EYA3: variants seen among roughly 807,000 people sequenced by gnomAD.
The protein encoded by EYA3 is protein phosphatase EYA3.
A neutral mutation model predicts 80.0 loss-of-function variants in EYA3; 39 were observed. That is an observed-to-expected ratio of 0.49 (90% CI 0.38 to 0.64). The LOEUF is 0.64. EYA3 is among the 30% of genes least tolerant of loss of function. The pLI is 0.00. For synonymous variants in EYA3, 206 were observed against 232.8 expected, an observed-to-expected ratio of 0.88 and a Z score of 1.05; for missense variants, 523 against 676.1, an observed-to-expected ratio of 0.77 and a Z score of 2.51.
intron 1 of EYA3, among the ~76,000 whole-genome samples, chr1:28,067,748 G>A (rs140970865): frequency 2.6e-5 from 4 of 152,230 alleles, no homozygotes; most frequent in Non-Finnish European, 4.4e-5. Flanking sequence ...CAAAAGCAAC[G>A]AACTTCCAAT....
At chr1:28,041,092 G>A (rs895684465) in intron 4 of EYA3, among the ~76,000 whole-genome samples, 7 of 152,196 alleles carry the variant, frequency 4.6e-5, no homozygotes, top group African/African-American at 1.7e-4. Flanking sequence ...GGCTGGGTGT[G>A]GTGGCTCATG....
chr1:28,086,827 C>T (rs1353417119), intron 1 of EYA3, among the ~76,000 whole-genome samples: 2 of 152,154 alleles, frequency 1.3e-5, no homozygotes, highest in Non-Finnish European at 2.9e-5. Context: ...AGAGGCTTCA[C>T]TTAGCAGTTA....
intron 2 of EYA3, among the ~76,000 whole-genome samples, chr1:28,057,702 T>C (rs1644481759): frequency 6.6e-6 from 1 of 152,184 alleles, no homozygotes; most frequent in Non-Finnish European, 1.5e-5. Flanking sequence ...AATGGTGATA[T>C]ACTGTCAGAT....
intron 5 of EYA3, among the ~76,000 whole-genome samples, chr1:28,038,615 TAG>T (rs1444079886): frequency 1.3e-5 from 2 of 152,146 alleles, no homozygotes; most frequent in African/African-American, 4.8e-5. Flanking sequence ...CTACTCATTT[TAG>T]AGTAAGCTTT....
chr1:27,994,056 T>C (rs1290657102), intron 13 of EYA3, among the ~76,000 whole-genome samples: 1 of 152,232 alleles, frequency 6.6e-6, no homozygotes, highest in Non-Finnish European at 1.5e-5. Context: ...CTGTGGTAGC[T>C]TCAAAATATA....
At chr1:27,982,698 T>C (rs151334031) in intron 16 of EYA3, among the ~76,000 whole-genome samples, 1 of 152,096 alleles carries the variant, frequency 6.6e-6, no homozygotes, top group East Asian at 1.9e-4. Flanking sequence ...GTTCAAGCTA[T>C]TCTCAGGCCC....
At chr1:28,070,495 G>A (rs1016448572) in intron 1 of EYA3, among the ~76,000 whole-genome samples, 3 of 152,136 alleles carry the variant, frequency 2.0e-5, no homozygotes, top group Non-Finnish European at 4.4e-5. Context: ...CCAGGAGGCA[G>A]AGGTTGCAGC....
At chr1:28,068,315 A>G (rs1028668358) in intron 1 of EYA3, among the ~76,000 whole-genome samples, 3 of 150,432 alleles carry the variant, frequency 2.0e-5, no homozygotes, top group Non-Finnish European at 3.0e-5. Context: ...CTGGGCAACA[A>G]GAGTTAAGAC....
chr1:28,007,000 G>C (rs1641331259), intron 10 of EYA3, among the ~76,000 whole-genome samples: 1 of 145,688 alleles, frequency 6.9e-6, no homozygotes, highest in African/African-American at 2.6e-5. Flanking sequence ...AAGTGTAGTG[G>C]TGCAATCTGG....
At chr1:28,061,338 AC>A (rs1644616128) in intron 1 of EYA3, among the ~76,000 whole-genome samples, 1 of 152,206 alleles carries the variant, frequency 6.6e-6, no homozygotes, top group African/African-American at 2.4e-5. Context: ...AAATATCAGA[AC>A]ATACTAAATA....
intron 3 of EYA3, among the ~76,000 whole-genome samples, chr1:28,044,481 G>A (rs1024109529): frequency 3.3e-5 from 5 of 152,106 alleles, no homozygotes; most frequent in African/African-American, 9.7e-5. Flanking sequence ...CAAAGCCCAG[G>A]CATCATTCCT....
intron 17 of EYA3, among the ~76,000 whole-genome samples, chr1:27,975,767 A>C (rs563076625): frequency 6.6e-6 from 1 of 151,996 alleles, no homozygotes; most frequent in East Asian, 1.9e-4. Flanking sequence ...TACAGGCGTG[A>C]GCCACCGTGC....
At chr1:28,035,175 A>G (rs564584582) in intron 6 of EYA3, among the ~76,000 whole-genome samples, 46 of 152,308 alleles carry the variant, frequency 3.0e-4, no homozygotes, top group Non-Finnish European at 4.4e-4. Context: ...AAACTATGAT[A>G]CATATTCAGA....
chr1:27,986,690 C>T (rs1639680831), intron 16 of EYA3, among the ~76,000 whole-genome samples: 1 of 151,356 alleles, frequency 6.6e-6, no homozygotes, highest in Non-Finnish European at 1.5e-5. Flanking sequence ...AGCCACTGTG[C>T]CTGGCTTCTC....
In EYA3 at chr1:28,013,390, T is replaced by C. The variant is rs1641827045; in HGVS notation, c.586-96A>G. ...TCTCCCTCTTTCTTATTCATAATTA[T>C]TTTTCTAAAACATTAATTTGACTTC... On this transcript the variant is annotated intron_variant, in intron 8 of 17. Coordinates refer to ENST00000373871, the MANE Select transcript of EYA3 (RefSeq NM_001990.4). The surrounding 1 kb of genome is among the most constrained non-coding windows in gnomAD (Gnocchi z 4.0). 5.4e-6 allele frequency: 6 copies of C among 1,107,810 alleles called. No individual in the cohort carries two copies. Among genetic ancestry groups the C allele is most frequent in the Non-Finnish European group, 7.4e-6 (6 of 806,660 alleles). 68.6% of individuals were successfully genotyped at this position (1,107,810 alleles called of 1,614,324 possible). A position where few individuals can be genotyped will look rare whatever the true frequency, so the allele number is the denominator to read the frequency against.
chr1:27,991,528 TA>T (rs1046473561), intron 14 of EYA3, among the ~76,000 whole-genome samples: 1 of 151,552 alleles, frequency 6.6e-6, no homozygotes, highest in Non-Finnish European at 1.5e-5. Context: ...CAGTGAAGGT[TA>T]AAAAAAAATC....
chr1:28,042,536 T>C, intron 4 of EYA3, 35 bp downstream of exon 4: 1 of 1,554,016 alleles, frequency 6.4e-7, no homozygotes, highest in African/African-American at 1.4e-5. Context: ...GTTATAGGAA[T>C]ATCTGTTCAA....
At chr1:28,087,290 C>T (rs1396140073) in intron 1 of EYA3, among the ~76,000 whole-genome samples, 2 of 151,774 alleles carry the variant, frequency 1.3e-5, no homozygotes, top group Non-Finnish European at 2.9e-5. Flanking sequence ...AAGAAAGGTG[C>T]CCTAAATCTC....
chr1:27,997,507 G>A lies in EYA3; in HGVS notation c.1084-129C>T, dbSNP rs1291913586. ...GCCTTATGGAATCTCTTATGTGTGG[G>A]TGATCACTCTCACACCCCTTGCTGT... On this transcript the variant is annotated intron_variant, in intron 12 of 17. Coordinates refer to ENST00000373871, the MANE Select transcript of EYA3 (RefSeq NM_001990.4). The A allele has an allele frequency of 6.2e-6, 5 of 805,330 alleles. No individual in the cohort carries two copies. In the African/African-American group the frequency reaches 6.8e-5, roughly 11 times the overall value. The allele number at this position is 805,330 out of a possible 1,614,324, so 49.9% of individuals were successfully genotyped here. A position where few individuals can be genotyped will look rare whatever the true frequency, so the allele number is the denominator to read the frequency against.
Sources: gnomAD v4.1 joint callset for allele counts (sites outside exome capture counted in the v4.1 genomes callset) on GRCh38, gnomAD v4.1.1 for gene constraint, Gnocchi (gnomAD v3.1) non-coding constraint, MANE v1.5 for transcripts, NCBI Gene and HGNC (gene_info 2026-07-23, HGNC 2026-07-21) for gene names.